NALF1: variants seen among roughly 807,000 people sequenced by gnomAD.
The protein encoded by NALF1 is NALCN channel auxiliary factor 1.
A neutral mutation model predicts 48.4 loss-of-function variants in NALF1; 3 were observed. The observed-to-expected ratio is 0.06, with a 90% confidence interval of 0.03 to 0.16. The LOEUF is 0.16. NALF1 is among the 10% of genes least tolerant of loss of function. NALF1 has a pLI of 1.00. For synonymous variants in NALF1, 262 were observed against 245.7 expected (o/e 1.07, Z -0.62); for missense variants, 526 against 571.5 (o/e 0.92, Z 0.81).
At chr13:107,839,719 TAAAG>T (rs1879994911) in intron 1 of NALF1, among the ~76,000 whole-genome samples, 1 of 151,960 alleles carries the variant, frequency 6.6e-6, no homozygotes, top group African/African-American at 2.4e-5. Flanking sequence ...AATTTTTAAA[TAAAG>T]AGATATTTTT....
chr13:107,663,986 A>C (rs1475705735), intron 1 of NALF1, among the ~76,000 whole-genome samples: 1 of 152,080 alleles, frequency 6.6e-6, no homozygotes, highest in Non-Finnish European at 1.5e-5. Flanking sequence ...CTGTGTGCTG[A>C]TGACTCCCAA....
At chr13:107,778,502 G>T (rs1256885422) in intron 1 of NALF1, among the ~76,000 whole-genome samples, 1 of 152,178 alleles carries the variant, frequency 6.6e-6, no homozygotes, top group East Asian at 1.9e-4. Context: ...AATTGGAAAA[G>T]ATATGACTCT....
chr13:107,211,993 C>T (rs1879771852), intron 1 of NALF1, among the ~76,000 whole-genome samples: 1 of 152,172 alleles, frequency 6.6e-6, no homozygotes, highest in Non-Finnish European at 1.5e-5. Flanking sequence ...AACCCATGTT[C>T]TGTAGGGCTC....
chr13:107,589,149 C>T (rs376035023), intron 1 of NALF1, among the ~76,000 whole-genome samples: 246 of 152,074 alleles, frequency 1.6e-3, no homozygotes, highest in African/African-American at 4.5e-3. Context: ...TACCAATTTA[C>T]GAATTATCCA....
chr13:107,631,786 C>T (rs1046433735), intron 1 of NALF1, among the ~76,000 whole-genome samples: 1 of 152,042 alleles, frequency 6.6e-6, no homozygotes, highest in Middle Eastern at 3.2e-3. Context: ...TCACTTGATG[C>T]AGATTATATA....
At chr13:107,419,734 G>C (rs9520438) in intron 1 of NALF1, among the ~76,000 whole-genome samples, 87,533 of 152,118 alleles carry the variant, frequency 0.58, 25,497 homozygotes, top group African/African-American at 0.65. Context: ...TTAAAAGAGG[G>C]AAAATTATAA....
At chr13:107,459,552 G>A (rs1884883145) in intron 1 of NALF1, among the ~76,000 whole-genome samples, 2 of 152,032 alleles carry the variant, frequency 1.3e-5, no homozygotes, top group Admixed American at 1.3e-4. Flanking sequence ...TTGTCCTGCA[G>A]TATTTTTATA....
Position 107,475,752 on chromosome 13 carries a change from T to C in NALF1, c.916-264997A>G, listed in dbSNP as rs9559044. Among the ~76,000 whole-genome samples the C allele has an allele frequency of 3.9e-5, 6 of 152,272 alleles. No homozygotes were observed. The East Asian group carries it at 1.2e-3, about 29-fold the overall frequency. On this transcript the variant is annotated intron_variant, in intron 1 of 2. Transcript: ENST00000375915. Reference sequence around the variant, plus strand: ...GGGAATTCTTGTCTCTTCTAGTCAATAAAATGAACACAATTAAATCAATAA... The same window carrying C: ...GGGAATTCTTGTCTCTTCTAGTCAACAAAATGAACACAATTAAATCAATAA...
intron 1 of NALF1, among the ~76,000 whole-genome samples, chr13:107,487,757 C>G (rs1484529192): frequency 6.6e-6 from 1 of 152,086 alleles, no homozygotes; most frequent in Non-Finnish European, 1.5e-5. Flanking sequence ...TGTTGTGCCC[C>G]TGCCAGGTTT....
At chr13:107,254,265 C>T (rs9558979) in intron 1 of NALF1, among the ~76,000 whole-genome samples, 39,057 of 151,854 alleles carry the variant, frequency 0.26, 5,582 homozygotes, top group Non-Finnish European at 0.3. Flanking sequence ...GCCACGGTAA[C>T]AGCTAGGAAT....
At chr13:107,828,339 C>T (rs972098086) in intron 1 of NALF1, among the ~76,000 whole-genome samples, 1 of 152,106 alleles carries the variant, frequency 6.6e-6, no homozygotes. Context: ...AACCACGTCA[C>T]AGAAGCACAG....
At chr13:107,296,066 C>A (rs1036399053) in intron 1 of NALF1, among the ~76,000 whole-genome samples, 3 of 152,170 alleles carry the variant, frequency 2.0e-5, no homozygotes, top group African/African-American at 7.2e-5. Flanking sequence ...CAAGTCATTG[C>A]CAACTTGGCA....
At chr13:107,802,541 C>T (rs1320556546) in intron 1 of NALF1, among the ~76,000 whole-genome samples, 4 of 151,870 alleles carry the variant, frequency 2.6e-5, no homozygotes, top group Non-Finnish European at 5.9e-5. Context: ...TTCTGTAACC[C>T]TTTTTAAATT....
chr13:107,421,254 ATTTGTT>A (rs1340741919), intron 1 of NALF1, among the ~76,000 whole-genome samples: 6 of 152,094 alleles, frequency 3.9e-5, no homozygotes, highest in African/African-American at 1.4e-4. Context: ...CAAAGCCCAG[ATTTGTT>A]CTGCACTTTC....
chr13:107,345,801 C>A (rs920191000), intron 1 of NALF1, among the ~76,000 whole-genome samples: 1 of 152,170 alleles, frequency 6.6e-6, no homozygotes, highest in Non-Finnish European at 1.5e-5. Context: ...CTACATCAAT[C>A]TTAAAACTTA....
intron 1 of NALF1, among the ~76,000 whole-genome samples, chr13:107,541,931 G>C (rs375525733): frequency 6.6e-6 from 1 of 151,882 alleles, no homozygotes; most frequent in African/African-American, 2.4e-5. Flanking sequence ...ACTATGAATA[G>C]AGAAGTTTCA....
chr13:107,178,653 C>T (rs889750503), intron 2 of NALF1, among the ~76,000 whole-genome samples: 2 of 152,086 alleles, frequency 1.3e-5, no homozygotes, highest in African/African-American at 4.8e-5. Context: ...CCTCAGAAAA[C>T]TAAAAATAGG....
chr13:107,789,018 G>A (rs540150573), intron 1 of NALF1: 2 of 152,308 alleles, frequency 1.3e-5, no homozygotes, highest in African/African-American at 4.8e-5. Context: ...CATTCTGACT[G>A]TGGTGAGGAA....
rs1878205727 is a variant in NALF1, at chr13:107,578,133, C to CTT, written c.915+287547_915+287548dup. On this transcript the variant is annotated intron_variant, in intron 1 of 2. Transcript: ENST00000375915. Reference sequence around the variant, plus strand: ...TGTATCCAATCTCCAGTCACTGGAACTTAACATTTGAATCTCTGATAGTCT... The same window carrying CTT: ...TGTATCCAATCTCCAGTCACTGGAACTTTTAACATTTGAATCTCTGATAGTCT... 8.5e-5 allele frequency among the ~76,000 whole-genome samples: 13 copies of CTT among 152,262 alleles called. No individual in the cohort carries two copies. In the South Asian group the frequency reaches 2.3e-3, roughly 27 times the overall value.
Sources: allele counts gnomAD v4.1 joint callset (sites outside exome capture counted in the v4.1 genomes callset), GRCh38; gene constraint gnomAD v4.1.1; transcripts MANE v1.5; gene names NCBI Gene and HGNC (gene_info 2026-07-23, HGNC 2026-07-21).